The following DSCAM variants were observed in gnomAD, a reference collection of about 807,000 sequenced individuals.
DSCAM encodes cell adhesion molecule DSCAM.
DSCAM carries 47 observed loss-of-function variants against 217.7 expected under a neutral mutation model. The ratio of observed to expected loss-of-function variants is 0.22; its 90% CI spans 0.17 to 0.28. DSCAM has a LOEUF of 0.28. Among genes scored for constraint, DSCAM ranks in the 10% least tolerant of loss-of-function variants. The probability of loss-of-function intolerance (pLI) is 1.00; values close to 1 mark genes in which losing one functional copy is unlikely to be tolerated. For missense variants in DSCAM, 2,080 were observed against 2,618.3 expected (o/e 0.79, Z 4.49); for synonymous variants, 1,056 against 1,015.3 (o/e 1.04, Z -0.76).
intron 3 of DSCAM, among the ~76,000 whole-genome samples, chr21:40,564,334 C>T (rs954512277): frequency 1.2e-4 from 18 of 152,230 alleles, no homozygotes; most frequent in African/African-American, 3.6e-4. Context: ...AACAATGGTA[C>T]GTTTGTCCCT....
chr21:40,385,079 TTTTTA>T (rs1385733310), intron 3 of DSCAM: 3 of 152,186 alleles, frequency 2.0e-5, no homozygotes, highest in Non-Finnish European at 4.4e-5. Context: ...CAGTTTCGAC[TTTTTA>T]TTTTATTACA....
intron 3 of DSCAM, among the ~76,000 whole-genome samples, chr21:40,686,241 C>CA (rs1171365836): frequency 6.0e-5 from 9 of 148,986 alleles, no homozygotes; most frequent in South Asian, 2.1e-4. Flanking sequence ...AGCTCACACA[C>CA]CACACACAGC....
intron 11 of DSCAM, among the ~76,000 whole-genome samples, chr21:40,194,611 C>T (rs2146841842): frequency 6.6e-6 from 1 of 152,296 alleles, no homozygotes; most frequent in African/African-American, 2.4e-5. Context: ...TGTTTTACAT[C>T]ATATCAATTT....
Position 40,249,775 on chromosome 21 carries a change from C to T in DSCAM, c.2356+26322G>A, listed in dbSNP as rs1418392149. The stretch of plus-strand genomic sequence containing the variant: ...CACAGAGTTGAGGTAATCATGGCTT[C>T]ATGGGGAAAATGCAGGGGTTCCTTG... On this transcript the variant is annotated intron_variant, in intron 11 of 32. Coordinates refer to ENST00000400454, the MANE Select transcript of DSCAM (RefSeq NM_001389.5). Among the ~76,000 whole-genome samples, 10 of 152,096 alleles carry T rather than the reference C, an allele frequency of 6.6e-5. No homozygotes were observed. In the East Asian group the frequency reaches 1.7e-3, roughly 26 times the overall value.
chr21:40,513,651 C>T (rs750730367), intron 3 of DSCAM, among the ~76,000 whole-genome samples: 1 of 152,068 alleles, frequency 6.6e-6, no homozygotes, highest in Non-Finnish European at 1.5e-5. Context: ...ATCACAGGGA[C>T]GGCACCAAGC....
intron 1 of DSCAM, among the ~76,000 whole-genome samples, chr21:40,711,009 G>C (rs1209013252): frequency 1.7e-5 from 2 of 117,550 alleles, no homozygotes; most frequent in Non-Finnish European, 3.7e-5. Flanking sequence ...GATTCACAGG[G>C]CTGTCACTTG....
intron 1 of DSCAM, among the ~76,000 whole-genome samples, chr21:40,821,820 A>T (rs1601311058): frequency 6.6e-6 from 1 of 152,080 alleles, no homozygotes; most frequent in African/African-American, 2.4e-5. Flanking sequence ...ATGAGAACAC[A>T]TGGGCACATA....
At chr21:40,738,438 G>A (rs1338658246) in intron 1 of DSCAM, among the ~76,000 whole-genome samples, 1 of 152,098 alleles carries the variant, frequency 6.6e-6, no homozygotes, top group Non-Finnish European at 1.5e-5. Flanking sequence ...ATAAACCCCA[G>A]AATTTCAGTG....
chr21:40,013,462 G>GA, intron 32 of DSCAM, 76 bp from the exon 33 acceptor site: 1 of 1,123,382 alleles, frequency 8.9e-7, no homozygotes, highest in Non-Finnish European at 1.2e-6. Flanking sequence ...GTGCACACGG[G>GA]AAGCCATGCG....
At chr21:40,527,116 C>T (rs977565352) in intron 3 of DSCAM, among the ~76,000 whole-genome samples, 1 of 152,120 alleles carries the variant, frequency 6.6e-6, no homozygotes, top group Non-Finnish European at 1.5e-5. Context: ...TCTGACCTTC[C>T]TATTCCTGAT....
chr21:40,146,154 G>GCATGGT (rs2090354440), intron 16 of DSCAM, among the ~76,000 whole-genome samples: 1 of 151,958 alleles, frequency 6.6e-6, no homozygotes, highest in East Asian at 1.9e-4. Context: ...AGAGAACTAT[G>GCATGGT]AAGTGTGGAA....
At chr21:40,464,628 G>A (rs930849097) in intron 3 of DSCAM, among the ~76,000 whole-genome samples, 3 of 151,956 alleles carry the variant, frequency 2.0e-5, no homozygotes, top group Admixed American at 6.6e-5. Flanking sequence ...AAATATATCC[G>A]ACTTCTACCC....
chr21:40,746,806 G>A (rs1011917071), intron 1 of DSCAM, among the ~76,000 whole-genome samples: 6 of 151,774 alleles, frequency 4.0e-5, no homozygotes, highest in Admixed American at 2.6e-4. Context: ...CTCCAGGATA[G>A]ATTATGAAAG....
At chr21:40,393,037 G>A (rs1238896757) in intron 3 of DSCAM, among the ~76,000 whole-genome samples, 1 of 152,224 alleles carries the variant, frequency 6.6e-6, no homozygotes, top group Non-Finnish European at 1.5e-5. Context: ...TTGACATCAA[G>A]TGTAAGCCCA....
At chr21:40,809,977 C>T (rs1490226885) in intron 1 of DSCAM, among the ~76,000 whole-genome samples, 1 of 152,182 alleles carries the variant, frequency 6.6e-6, no homozygotes, top group Non-Finnish European at 1.5e-5. Context: ...ACCATTGCCT[C>T]CTGACTTCAG....
intron 3 of DSCAM, among the ~76,000 whole-genome samples, chr21:40,376,884 C>G (rs2074969332): frequency 1.3e-5 from 2 of 151,940 alleles, no homozygotes. Flanking sequence ...ACGTTATGAG[C>G]TGAATTTCCC....
chr21:40,055,849 A>C lies in DSCAM; in HGVS notation c.4920-9T>G, dbSNP rs2089010026. The C allele has an allele frequency of 1.2e-6, 2 of 1,603,176 alleles. No homozygotes were observed. Among genetic ancestry groups the C allele is most frequent in the African/African-American group, 1.3e-5 (1 of 74,742 alleles). On this transcript the variant is annotated splice_polypyrimidine_tract_variant and intron_variant, in intron 28 of 32. Coordinates refer to ENST00000400454, the MANE Select transcript of DSCAM (RefSeq NM_001389.5). ...AAGTCCGGGTATTCTTACTGGGAATAAAATGGGGTAATGCATTAACAAATC... is the reference window on the plus strand; with the variant it reads ...AAGTCCGGGTATTCTTACTGGGAATCAAATGGGGTAATGCATTAACAAATC...
chr21:40,561,335 A>G (rs1048705842), intron 3 of DSCAM, among the ~76,000 whole-genome samples: 6 of 152,204 alleles, frequency 3.9e-5, no homozygotes, highest in Non-Finnish European at 8.8e-5. Context: ...GGGTACATGA[A>G]TCCTTTGAAA....
rs1021997415 is a variant in DSCAM, at chr21:40,746,095, G to GA, written c.44-37325dup. ...AGCATGAAATCAAAACATACTACTA[G>GA]AAAAAAAAAATCTCTCAAGGAAAAC... is the stretch of plus-strand genomic sequence containing the variant. On this transcript the variant is annotated intron_variant, in intron 1 of 32. Transcript: ENST00000400454. Among the ~76,000 whole-genome samples the GA allele has an allele frequency of 6.3e-3, 921 of 147,280 alleles. 10 individuals are homozygous for GA. The highest frequency in any genetic ancestry group is 0.02 in the African/African-American group (827 of 40,390).
Sources: allele counts gnomAD v4.1 joint callset (sites outside exome capture counted in the v4.1 genomes callset), GRCh38; gene constraint gnomAD v4.1.1; transcripts MANE v1.5; gene names NCBI Gene and HGNC (gene_info 2026-07-23, HGNC 2026-07-21).